Variants in TTLL11 observed in about 807,000 individuals in gnomAD.
TTLL11 encodes the protein tubulin tyrosine ligase like 11.
TTLL11 carries 42 observed loss-of-function variants against 51.7 expected under a neutral mutation model. The ratio of observed to expected loss-of-function variants is 0.81; its 90% CI spans 0.64 to 1.05. The LOEUF (loss-of-function observed/expected upper bound fraction) is 1.05, where lower values mean the gene tolerates loss of function less well. TTLL11 is among the 50% of genes least tolerant of loss of function. TTLL11 has a pLI of 0.00. For missense variants in TTLL11, 799 were observed against 940.4 expected (o/e 0.85, Z 1.97); for synonymous variants, 381 against 383.5 (o/e 0.99, Z 0.08).
At chr9:121,870,459 G>A in intron 7 of TTLL11, 38 bp downstream of exon 7, 3 of 1,537,538 alleles carry the variant, frequency 2.0e-6, no homozygotes, top group Non-Finnish European at 2.6e-6. Flanking sequence ...ACTCCACCCA[G>A]CCCAAAGCCC....
chr9:121,826,783 A>G (rs1029690984), intron 8 of TTLL11, among the ~76,000 whole-genome samples: 5 of 151,728 alleles, frequency 3.3e-5, no homozygotes, highest in African/African-American at 1.2e-4. Flanking sequence ...GCATCGGTGG[A>G]GGCTTTTGGC....
At chr9:122,006,401 T>C (rs1843646156) in intron 3 of TTLL11, among the ~76,000 whole-genome samples, 1 of 152,152 alleles carries the variant, frequency 6.6e-6, no homozygotes, top group African/African-American at 2.4e-5. Flanking sequence ...TTTCTGGATT[T>C]TTTTTTAGTT....
At position 121,890,455 on chromosome 9, in the gene TTLL11, C is replaced by T. The variant is rs1156593948; in HGVS notation, c.1482-19707G>A. 1.3e-5 allele frequency among the ~76,000 whole-genome samples: 2 copies of T among 152,066 alleles called. No homozygotes were observed. The highest frequency in any genetic ancestry group is 2.9e-5 in the Non-Finnish European group (2 of 68,018). On this transcript the variant is annotated intron_variant, in intron 6 of 8. Coordinates refer to ENST00000321582, the MANE Select transcript of TTLL11 (RefSeq NM_001139442.2). This position sits in a 1 kb window ranked among gnomAD's most constrained non-coding sequence, Gnocchi z 4.3. Reference sequence around the variant, plus strand: ...TCCCCAAGCCTGTCCCTGGCTCACTCCCTCATTTCCTTCAAGTGTGTGTCC... The same window carrying T: ...TCCCCAAGCCTGTCCCTGGCTCACTTCCTCATTTCCTTCAAGTGTGTGTCC...
chr9:121,828,175 T>C (rs1371652243), intron 8 of TTLL11, among the ~76,000 whole-genome samples: 1 of 82,898 alleles, frequency 1.2e-5, no homozygotes, highest in Non-Finnish European at 3.0e-5. Flanking sequence ...ACATTGAACT[T>C]TTTTTTTTTT....
At position 121,989,682 on chromosome 9, in the gene TTLL11, A is replaced by C; in HGVS notation, c.782T>G (p.Leu261Arg). ...DGGCQGDGIY[L>R]IKDPSDIRLA... is the part of the protein sequence containing the mutation. ...GCGGATGTCACTGGGGTCTTTAATG[A>C]GGTAGATTCCATCACCCTGACAACC... The change falls in exon 4 of 9, where the codon CTC (leucine) becomes CGC (arginine). Residue 261 changes from leucine to arginine, a missense_variant. Transcript: ENST00000321582. The surrounding 1 kb of genome is among the most constrained non-coding windows in gnomAD (Gnocchi z 4.2). 1 of 1,614,038 alleles carries C rather than the reference A, an allele frequency of 6.2e-7. No individual in the cohort carries two copies. Among genetic ancestry groups the C allele is most frequent in the Non-Finnish European group, 8.5e-7 (1 of 1,179,974 alleles).
Position 121,842,557 on chromosome 9 carries a change from C to G in TTLL11, c.1840+17780G>C, listed in dbSNP as rs144240705. 1.6e-3 allele frequency among the ~76,000 whole-genome samples: 240 copies of G among 152,306 alleles called. 3 individuals are homozygous for G. In the East Asian group the frequency reaches 0.032, roughly 20 times the overall value. ...AAGTACAGGCATGAGCTACTGTGTG[C>G]CTGGCCCCCTTCTACTTTTGAACAC... is the stretch of plus-strand genomic sequence containing the variant. On this transcript the variant is annotated intron_variant, in intron 8 of 8. Transcript: ENST00000321582.
chr9:122,028,790 A>C (rs1227908682), intron 3 of TTLL11, among the ~76,000 whole-genome samples: 1 of 152,204 alleles, frequency 6.6e-6, no homozygotes, highest in East Asian at 1.9e-4. Context: ...AACTCTCAAC[A>C]AATTTAAAGA....
At chr9:121,873,531 T>C (rs1406868244) in intron 6 of TTLL11, among the ~76,000 whole-genome samples, 1 of 152,004 alleles carries the variant, frequency 6.6e-6, no homozygotes, top group Non-Finnish European at 1.5e-5. Context: ...AGGCTGGTCC[T>C]GAACTCCTGA....
chr9:122,035,022 A>G (rs1845510204), intron 2 of TTLL11, among the ~76,000 whole-genome samples: 1 of 152,164 alleles, frequency 6.6e-6, no homozygotes. Flanking sequence ...CCGGTGTTCT[A>G]TTGCTTGTAT....
At chr9:121,908,742 G>A (rs1840022305) in intron 6 of TTLL11, among the ~76,000 whole-genome samples, 1 of 152,138 alleles carries the variant, frequency 6.6e-6, no homozygotes, top group African/African-American at 2.4e-5. Flanking sequence ...TCTCTTCCTG[G>A]CTTGTAGATG....
chr9:121,863,975 C>CAGA (rs1004935204), intron 7 of TTLL11, among the ~76,000 whole-genome samples: 1 of 152,166 alleles, frequency 6.6e-6, no homozygotes, highest in African/African-American at 2.4e-5. Context: ...GGCCAGGGAC[C>CAGA]AGAAGGGTTG....
At chr9:122,021,478 C>T (rs941254678) in intron 3 of TTLL11, among the ~76,000 whole-genome samples, 2 of 152,152 alleles carry the variant, frequency 1.3e-5, no homozygotes, top group African/African-American at 2.4e-5. Flanking sequence ...CCCAAAAAAG[C>T]AGAGGTAGCA....
intron 6 of TTLL11, among the ~76,000 whole-genome samples, chr9:121,888,727 A>G (rs571269989): frequency 6.6e-6 from 1 of 152,264 alleles, no homozygotes; most frequent in Non-Finnish European, 1.5e-5. Flanking sequence ...ATAAAATGGC[A>G]TGGAAGTAGA....
chr9:121,892,244 A>C (rs1248758931), intron 6 of TTLL11, among the ~76,000 whole-genome samples: 1 of 150,906 alleles, frequency 6.6e-6, no homozygotes, highest in Non-Finnish European at 1.5e-5. Context: ...AATCAGCAGC[A>C]TCAAGTTCAT....
At chr9:121,851,446 C>T (rs1837661103) in intron 8 of TTLL11, among the ~76,000 whole-genome samples, 1 of 152,236 alleles carries the variant, frequency 6.6e-6, no homozygotes, top group Admixed American at 6.5e-5. Flanking sequence ...TCTGTACTAT[C>T]TGCTCAATTT....
chr9:122,052,887 G>A (rs1845198625), intron 1 of TTLL11, among the ~76,000 whole-genome samples: 1 of 152,214 alleles, frequency 6.6e-6, no homozygotes, highest in East Asian at 1.9e-4. Flanking sequence ...AAGATGAGTA[G>A]CAGAGCCTCC....
intron 1 of TTLL11, among the ~76,000 whole-genome samples, chr9:122,075,986 C>A (rs991790827): frequency 1.2e-4 from 19 of 152,150 alleles, no homozygotes; most frequent in African/African-American, 4.6e-4. Flanking sequence ...CAGTTCAATT[C>A]AATCAGCATC....
At chr9:121,986,658 T>C (rs963419586) in intron 4 of TTLL11, among the ~76,000 whole-genome samples, 1 of 152,114 alleles carries the variant, frequency 6.6e-6, no homozygotes, top group Non-Finnish European at 1.5e-5. Flanking sequence ...ATGGCCTGAA[T>C]AGCCCTCCAA....
intron 1 of TTLL11, among the ~76,000 whole-genome samples, chr9:122,043,315 G>C (rs1418109802): frequency 6.6e-6 from 1 of 152,164 alleles, no homozygotes; most frequent in Non-Finnish European, 1.5e-5. Flanking sequence ...AGTGGGATAG[G>C]ATAGCTCAGA....
Sources: allele counts gnomAD v4.1 joint callset (sites outside exome capture counted in the v4.1 genomes callset), GRCh38; gene constraint gnomAD v4.1.1; non-coding constraint Gnocchi (gnomAD v3.1); transcripts MANE v1.5; gene names NCBI Gene and HGNC (gene_info 2026-07-23, HGNC 2026-07-21).